SCAI: variants seen among roughly 807,000 people sequenced by gnomAD.
SCAI encodes protein SCAI.
A neutral mutation model predicts 92.2 loss-of-function variants in SCAI; 24 were observed. The observed-to-expected ratio is 0.26, with a 90% CI of 0.19 to 0.37. The LOEUF (loss-of-function observed/expected upper bound fraction) is 0.37, where lower values mean the gene tolerates loss of function less well. Ranked by LOEUF, SCAI falls within the 10% of genes least tolerant of loss-of-function variation. The pLI, the probability that SCAI is intolerant of heterozygous loss-of-function variation, is 1.00. For missense variants in SCAI, 450 were observed against 736.2 expected (o/e 0.61, Z 4.50); for synonymous variants, 261 against 258.6 (o/e 1.01, Z -0.09).
chr9:125,106,896 G>A (rs540312941), intron 2 of SCAI, among the ~76,000 whole-genome samples: 1 of 128,428 alleles, frequency 7.8e-6, no homozygotes, highest in East Asian at 2.2e-4. Flanking sequence ...TAAGTTTTTT[G>A]TAGCATCAGA....
chr9:125,004,102 G>C (rs1369326343), intron 9 of SCAI, among the ~76,000 whole-genome samples: 2 of 152,096 alleles, frequency 1.3e-5, no homozygotes, highest in African/African-American at 4.8e-5. Context: ...CTTGAACCCA[G>C]GAGGCGGAGG....
chr9:125,045,447 C>T (rs1472066272), intron 3 of SCAI, among the ~76,000 whole-genome samples: 1 of 152,146 alleles, frequency 6.6e-6, no homozygotes, highest in Non-Finnish European at 1.5e-5. Context: ...TTCAAGCAAT[C>T]CTCTCACCTC....
Position 125,120,335 on chromosome 9 carries a change from C to T in SCAI, c.98+22298G>A, listed in dbSNP as rs911658291. Among the ~76,000 whole-genome samples the T allele has an allele frequency of 5.3e-5, 8 of 152,166 alleles. No homozygotes were observed. The East Asian group carries it at 7.7e-4, about 15-fold the overall frequency. The stretch of plus-strand genomic sequence containing the variant: ...AAGACAATAACCTGGAGTTTCTCCT[C>T]CCCATGATGAAATGAATTCAATGGC... On this transcript the variant is annotated intron_variant, in intron 2 of 17. Transcript: ENST00000336505.
At chr9:125,050,851 T>C (rs1403771262) in intron 3 of SCAI, among the ~76,000 whole-genome samples, 3 of 152,018 alleles carry the variant, frequency 2.0e-5, no homozygotes, top group Non-Finnish European at 2.9e-5. Context: ...ATTACAGGTA[T>C]CAGCCACTGC....
chr9:125,055,655 C>G lies in SCAI; in HGVS notation c.230+221G>C, dbSNP rs555496558. On this transcript the variant is annotated intron_variant, in intron 3 of 17. Transcript: ENST00000336505. ...TATACAAAACCATTTCACAAAATAG[C>G]TCTTTTTAAGTTGACTAAAACAGTG... is the stretch of plus-strand genomic sequence containing the variant. 8.5e-5 allele frequency among the ~76,000 whole-genome samples: 13 copies of G among 152,266 alleles called. No individual in the cohort carries two copies. In the East Asian group the frequency reaches 2.5e-3, roughly 29 times the overall value.
chr9:124,956,602 G>A (rs563188377), intron 17 of SCAI, among the ~76,000 whole-genome samples: 2 of 152,228 alleles, frequency 1.3e-5, no homozygotes, highest in South Asian at 2.1e-4. Context: ...AAAGTTTTGC[G>A]AATCATCCAT....
intron 14 of SCAI, among the ~76,000 whole-genome samples, chr9:124,978,745 G>A (rs1228832888): frequency 6.6e-6 from 1 of 151,980 alleles, no homozygotes; most frequent in Non-Finnish European, 1.5e-5. Flanking sequence ...ACAACCAAAT[G>A]ACCAGAAATA....
rs1588139145 is a variant in SCAI at position 124,994,796 on chromosome 9, CAAAAG to C, written c.1326+133_1326+137del. On this transcript the variant is annotated intron_variant, in intron 14 of 17. Transcript: ENST00000336505. ...CGATCCTGACTAGCATGCACAACCT[CAAAAG>C]AAAAGAAACACTAAATACAAACTGT... 9.7e-6 allele frequency: 5 copies of C among 515,810 alleles called. No individual in the cohort carries two copies. In the East Asian group the frequency reaches 1.6e-4, roughly 16 times the overall value. 32.0% of individuals were successfully genotyped at this position (515,810 alleles called of 1,614,324 possible).
chr9:125,129,841 T>TA lies in SCAI; in HGVS notation c.98+12791dup, dbSNP rs200893481. On this transcript the variant is annotated intron_variant, in intron 2 of 17. Coordinates refer to ENST00000336505, the MANE Select transcript of SCAI (RefSeq NM_001144877.3). ...TACCGATTACTATGGGTTCCTAACA[T>TA]AAAAAAGAGAAGCTTTAATGAAAGT... 5.6e-3 allele frequency among the ~76,000 whole-genome samples: 852 copies of TA among 152,068 alleles called. 10 individuals are homozygous for TA. Among genetic ancestry groups the TA allele is most frequent in the African/African-American group, 0.02 (832 of 41,484 alleles).
At chr9:125,117,046 C>A (rs1170852599) in intron 2 of SCAI, among the ~76,000 whole-genome samples, 2 of 152,148 alleles carry the variant, frequency 1.3e-5, no homozygotes, top group Admixed American at 6.5e-5. Flanking sequence ...TCTATGCTGA[C>A]TGAATTAAAT....
At chr9:125,143,209 G>C (rs1385927229) in intron 1 of SCAI, among the ~76,000 whole-genome samples, 176 bp downstream of exon 1, 2 of 150,520 alleles carry the variant, frequency 1.3e-5, no homozygotes, top group African/African-American at 4.9e-5. Context: ...TCGAGGAGGC[G>C]ATCGCGCCCA....
chr9:124,955,382 T>C (rs932904983), intron 17 of SCAI, among the ~76,000 whole-genome samples: 2 of 151,514 alleles, frequency 1.3e-5, no homozygotes, highest in African/African-American at 2.4e-5. Flanking sequence ...CTCGACAACA[T>C]AGCAAGACAC....
chr9:125,055,680 G>C (rs1302238034), intron 3 of SCAI, among the ~76,000 whole-genome samples, 196 bp downstream of exon 3: 1 of 152,080 alleles, frequency 6.6e-6, no homozygotes, highest in Non-Finnish European at 1.5e-5. Flanking sequence ...CTAAAACAGT[G>C]TAAGTTATCC....
At chr9:124,975,980 G>C (rs1299998988) in intron 15 of SCAI, 134 bp downstream of exon 15, 2 of 561,832 alleles carry the variant, frequency 3.6e-6, no homozygotes, top group African/African-American at 3.7e-5. Flanking sequence ...ATTTCAGAGC[G>C]ACACCTGCCA....
intron 2 of SCAI, among the ~76,000 whole-genome samples, chr9:125,110,233 C>A (rs1834904312): frequency 6.6e-6 from 1 of 152,190 alleles, no homozygotes; most frequent in Non-Finnish European, 1.5e-5. Flanking sequence ...TAGAAAAACA[C>A]AGCTGACCAA....
intron 17 of SCAI, among the ~76,000 whole-genome samples, chr9:124,954,438 A>G (rs1299906800): frequency 2.0e-5 from 3 of 152,338 alleles, no homozygotes; most frequent in South Asian, 4.1e-4. Flanking sequence ...TCTATGCTCA[A>G]TAGTTACACA....
chr9:124,962,930 C>A (rs1242723110), intron 17 of SCAI, among the ~76,000 whole-genome samples: 2 of 151,058 alleles, frequency 1.3e-5, no homozygotes, highest in Non-Finnish European at 2.9e-5. Context: ...TCCTGAGTAG[C>A]CGGGATTACA....
chr9:124,947,227 A>G lies in SCAI; in HGVS notation c.*5580T>C, dbSNP rs1173263105. 1 of 152,198 alleles carries G rather than the reference A, an allele frequency of 6.6e-6. No individual in the cohort carries two copies. Among genetic ancestry groups the G allele is most frequent in the Non-Finnish European group, 1.5e-5 (1 of 68,032 alleles). 9.4% of individuals were successfully genotyped at this position (152,198 alleles called of 1,614,324 possible). A position where few individuals can be genotyped will look rare whatever the true frequency, so the allele number is the denominator to read the frequency against. ...TCTCTATTAAGCCCCAATATACATA[A>G]TTTACTACTCAGTAATAATACTTAA... On this transcript the variant is annotated 3_prime_UTR_variant, in exon 18 of 18. Coordinates refer to ENST00000336505, the MANE Select transcript of SCAI (RefSeq NM_001144877.3).
rs775770556 is a variant in SCAI, at chr9:125,029,730, T to C, written c.240A>G (p.Pro80=). 1.2e-6 allele frequency: 2 copies of C among 1,603,284 alleles called. No homozygotes were observed. Among genetic ancestry groups the C allele is most frequent in the South Asian group, 1.1e-5 (1 of 89,870 alleles). ...KQLFNGLRDL[P]QYGQKQWQSY... is the part of the protein sequence containing the mutation. ...ACTGCCACTGCTTCTGTCCATATTG[T>C]GGCAAATCTCTGTAATAGTAAATGA... is the stretch of plus-strand genomic sequence containing the variant. Residue 80 remains proline, a synonymous_variant, in exon 4 of 18, where the codon CCA becomes CCG. Coordinates refer to ENST00000336505, the MANE Select transcript of SCAI (RefSeq NM_001144877.3).
Sources: gnomAD v4.1 joint callset for allele counts (sites outside exome capture counted in the v4.1 genomes callset) on GRCh38, gnomAD v4.1.1 for gene constraint, MANE v1.5 for transcripts, NCBI Gene and HGNC (gene_info 2026-07-23, HGNC 2026-07-21) for gene names.